ARF1: variants seen among roughly 807,000 people sequenced by gnomAD.
ARF1 encodes the protein ADP-ribosylation factor 1.
ARF1 carries 1 observed loss-of-function variant against 18.0 expected under a neutral mutation model. The observed-to-expected ratio is 0.06, with a 90% CI of 0.02 to 0.26. The LOEUF (loss-of-function observed/expected upper bound fraction) is 0.26, where lower values mean the gene tolerates loss of function less well. Among genes scored for constraint, ARF1 ranks in the 10% least tolerant of loss-of-function variants. ARF1 has a pLI of 1.00. For missense variants in ARF1, 73 were observed against 247.2 expected, an observed-to-expected ratio of 0.30 and a Z score of 4.73; for synonymous variants, 112 against 96.3, an observed-to-expected ratio of 1.16 and a Z score of -0.95.
chr1:228,096,050 A>G (rs1317043872), intron 1 of ARF1, among the ~76,000 whole-genome samples: 1 of 152,226 alleles, frequency 6.6e-6, no homozygotes, highest in Non-Finnish European at 1.5e-5. Context: ...CGGCCAGTTC[A>G]CACCCACTGA....
chr1:228,096,494 G>C (rs1242037138), intron 1 of ARF1: 1 of 152,478 alleles, frequency 6.6e-6, no homozygotes, highest in Admixed American at 6.5e-5. Context: ...AGTCTCCGCA[G>C]GGCTCTGATG....
Position 228,097,517 on chromosome 1 carries a change from A to AT in ARF1, c.259+66dup. 2 of 1,613,634 alleles carry AT rather than the reference A, an allele frequency of 1.2e-6. No individual in the cohort carries two copies. Among genetic ancestry groups the AT allele is most frequent in the African/African-American group, 1.3e-5 (1 of 74,970 alleles). ...CTAGAGAGGGGGGGCCAGCCCATAGATGGGGCATCGATGCCCATAGATGCG... is the reference window on the plus strand; with the variant it reads ...CTAGAGAGGGGGGGCCAGCCCATAGATTGGGGCATCGATGCCCATAGATGCG... On this transcript the variant is annotated intron_variant, in intron 3 of 4. Transcript: ENST00000272102. This position sits in a 1 kb window ranked among gnomAD's most constrained non-coding sequence, Gnocchi z 8.1.
rs1031129626 is a variant in ARF1, at chr1:228,089,452, G to A, written c.-38+6687G>A. Among the ~76,000 whole-genome samples the A allele has an allele frequency of 6.6e-6, 1 of 152,208 alleles. No individual in the cohort carries two copies. The highest frequency in any genetic ancestry group is 1.5e-5 in the Non-Finnish European group (1 of 68,040). On this transcript the variant is annotated intron_variant, in intron 1 of 4. Coordinates refer to ENST00000272102, the MANE Select transcript of ARF1 (RefSeq NM_001658.4). The surrounding 1 kb of genome is among the most constrained non-coding windows in gnomAD (Gnocchi z 4.1). ...GGTGGTGCTCGTCCCAAAGCTGGGG[G>A]AAACCTGGTGATGGTTCCCACTCCC...
At chr1:228,088,365 T>G (rs2032472425) in intron 1 of ARF1, 2 of 152,138 alleles carry the variant, frequency 1.3e-5, no homozygotes, top group Admixed American at 1.3e-4. Flanking sequence ...GCAGTGGCCC[T>G]CGGAGGGGGT....
At chr1:228,085,041 A>T (rs770836892) in intron 1 of ARF1, among the ~76,000 whole-genome samples, 3 of 152,204 alleles carry the variant, frequency 2.0e-5, no homozygotes, top group Admixed American at 6.5e-5. Flanking sequence ...ACCTCCGTAA[A>T]TTCAAGAGGG....
rs201854692 is a variant in ARF1, at chr1:228,098,034, A to T, written c.*21A>T. 2,201 of 1,595,482 alleles carry T rather than the reference A, an allele frequency of 1.4e-3. 4 individuals carry two copies. The highest frequency in any genetic ancestry group is 1.1e-3 in the Non-Finnish European group (1,311 of 1,168,478). On this transcript the variant is annotated 3_prime_UTR_variant, in exon 5 of 5. Transcript: ENST00000272102. Reference sequence around the variant, plus strand: ...AGTGAACGCGACCCCCCTCCCTCTCACTCCTCTTGCCCTCTGCTTTACTCT... The same window carrying T: ...AGTGAACGCGACCCCCCTCCCTCTCTCTCCTCTTGCCCTCTGCTTTACTCT...
At chr1:228,087,262 G>A (rs993944607) in intron 1 of ARF1, among the ~76,000 whole-genome samples, 1 of 152,206 alleles carries the variant, frequency 6.6e-6, no homozygotes, top group Non-Finnish European at 1.5e-5. Context: ...AAACTTTTAA[G>A]TATTTTATAG....
intron 1 of ARF1, among the ~76,000 whole-genome samples, chr1:228,088,782 C>A (rs370354472): frequency 1.3e-5 from 2 of 152,176 alleles, no homozygotes; most frequent in Non-Finnish European, 2.9e-5. Context: ...AGTCACTTTC[C>A]TTTACTCCCC....
At chr1:228,093,048 C>T (rs1395536673) in intron 1 of ARF1, among the ~76,000 whole-genome samples, 1 of 152,132 alleles carries the variant, frequency 6.6e-6, no homozygotes, top group Non-Finnish European at 1.5e-5. Flanking sequence ...ACAGCGTGGT[C>T]AGGAAAGAGA....
In ARF1 at chr1:228,098,281, C is replaced by T. The variant is rs559423180; in HGVS notation, c.*268C>T. The T allele has an allele frequency of 3.0e-6, 1 of 334,686 alleles. No individual in the cohort carries two copies. The allele number at this position is 334,686 out of a possible 1,614,324, so 20.7% of individuals were successfully genotyped here. On this transcript the variant is annotated 3_prime_UTR_variant, in exon 5 of 5. Coordinates refer to ENST00000272102, the MANE Select transcript of ARF1 (RefSeq NM_001658.4). ...TAAAAAGAAAAATCAACTCACTGTT[C>T]AGTGCTGAGAGGGGATGTAGGCCCA...
At chr1:228,091,746 C>G (rs1310118236) in intron 1 of ARF1, among the ~76,000 whole-genome samples, 1 of 152,104 alleles carries the variant, frequency 6.6e-6, no homozygotes, top group East Asian at 1.9e-4. Flanking sequence ...ATGCAGTGCT[C>G]AGTCACAGAA....
intron 1 of ARF1, among the ~76,000 whole-genome samples, chr1:228,091,359 C>T (rs901300794): frequency 1.1e-4 from 17 of 152,174 alleles, no homozygotes; most frequent in African/African-American, 2.4e-4. Context: ...CCTTGTGCCT[C>T]GCAGCCCTCA....
At chr1:228,084,971 C>G (rs1462720322) in intron 1 of ARF1, among the ~76,000 whole-genome samples, 1 of 152,268 alleles carries the variant, frequency 6.6e-6, no homozygotes, top group Non-Finnish European at 1.5e-5. Context: ...GAGGCTGCAG[C>G]CAGCCTGGGC....
intron 1 of ARF1, among the ~76,000 whole-genome samples, chr1:228,087,828 G>C (rs374185730): frequency 3.7e-4 from 57 of 152,142 alleles, no homozygotes; most frequent in Non-Finnish European, 6.9e-4. Context: ...AGAATGTTCA[G>C]ACTGACCCAC....
rs191540999 is a variant in ARF1, at chr1:228,089,436, C to T, written c.-38+6671C>T. ...TGGGGTGGGGTGGCAAGGTGGTGCT[C>T]GTCCCAAAGCTGGGGGAAACCTGGT... On this transcript the variant is annotated intron_variant, in intron 1 of 4. Transcript: ENST00000272102. This position sits in a 1 kb window ranked among gnomAD's most constrained non-coding sequence, Gnocchi z 4.1. Among the ~76,000 whole-genome samples, 454 of 152,228 alleles carry T rather than the reference C, an allele frequency of 3.0e-3. 6 individuals carry two copies. Among genetic ancestry groups the T allele is most frequent in the African/African-American group, 0.01 (429 of 41,546 alleles).
intron 1 of ARF1, among the ~76,000 whole-genome samples, chr1:228,091,813 G>T (rs2032584342): frequency 6.6e-6 from 1 of 152,168 alleles, no homozygotes; most frequent in African/African-American, 2.4e-5. Flanking sequence ...GATGACCATA[G>T]GCTTTATTTG....
chr1:228,083,870 C>T (rs1023769226), intron 1 of ARF1, among the ~76,000 whole-genome samples: 1 of 152,236 alleles, frequency 6.6e-6, no homozygotes, highest in Non-Finnish European at 1.5e-5. Context: ...CAGAAATGCA[C>T]TCGGAATCGC....
chr1:228,083,720 G>A (rs2032297887), intron 1 of ARF1, among the ~76,000 whole-genome samples: 1 of 152,256 alleles, frequency 6.6e-6, no homozygotes. Flanking sequence ...CTCTCTCGGA[G>A]CACAGCCTGG....
At position 228,088,554 on chromosome 1, in the gene ARF1, T is replaced by A. The variant is rs186642862; in HGVS notation, c.-38+5789T>A. On this transcript the variant is annotated intron_variant, in intron 1 of 4. Coordinates refer to ENST00000272102, the MANE Select transcript of ARF1 (RefSeq NM_001658.4). ...AATTTTTGTGCATAGTTTTAACAGGTGTTCTGAAGTTCCAGGAACAAAATC... is the reference window on the plus strand; with the variant it reads ...AATTTTTGTGCATAGTTTTAACAGGAGTTCTGAAGTTCCAGGAACAAAATC... Among the ~76,000 whole-genome samples the A allele has an allele frequency of 9.3e-4, 141 of 152,288 alleles. 2 individuals are homozygous for A. The East Asian group carries it at 0.015, about 16-fold the overall frequency.
Sources: gnomAD v4.1 joint callset for allele counts (sites outside exome capture counted in the v4.1 genomes callset) on GRCh38, gnomAD v4.1.1 for gene constraint, Gnocchi (gnomAD v3.1) non-coding constraint, MANE v1.5 for transcripts, NCBI Gene and HGNC (gene_info 2026-07-23, HGNC 2026-07-21) for gene names.